EFHD1: variants seen among roughly 807,000 people sequenced by gnomAD.
EFHD1 encodes EF-hand domain family member D1.
In EFHD1, 10 loss-of-function variants were observed where a neutral mutation model predicts 17.2. The observed-to-expected ratio is 0.58, with a 90% CI of 0.36 to 0.99. The LOEUF (loss-of-function observed/expected upper bound fraction) is 0.99. EFHD1 is among the 50% of genes least tolerant of loss of function. The pLI is 0.01. For synonymous variants in EFHD1, 153 were observed against 142.0 expected (o/e 1.08, Z -0.55); for missense variants, 310 against 327.5 (o/e 0.95, Z 0.41).
chr2:232,615,330 T>TGA (rs1553594536), intron 1 of EFHD1, among the ~76,000 whole-genome samples: 10 of 141,182 alleles, frequency 7.1e-5, no homozygotes, highest in Admixed American at 3.6e-4. Context: ...TGTGTGTGTG[T>TGA]GTGTGTGTGT....
At chr2:232,652,638 G>C (rs900635638) in intron 1 of EFHD1, among the ~76,000 whole-genome samples, 1 of 152,164 alleles carries the variant, frequency 6.6e-6, no homozygotes, top group Non-Finnish European at 1.5e-5. Flanking sequence ...TCACAGGACT[G>C]TTGTGAAGAT....
intron 1 of EFHD1, chr2:232,638,065 A>G (rs749935591): frequency 4.4e-4 from 94 of 214,690 alleles, no homozygotes; most frequent in Admixed American, 4.5e-4. Context: ...TCCATTTCCA[A>G]GCCTGTTACT....
At chr2:232,678,206 A>G (rs1336091168) in intron 3 of EFHD1, among the ~76,000 whole-genome samples, 1 of 151,442 alleles carries the variant, frequency 6.6e-6, no homozygotes, top group Non-Finnish European at 1.5e-5. Flanking sequence ...GAACCTGGGA[A>G]GTGGAGCTGA....
At chr2:232,644,202 C>A (rs1694483790) in intron 1 of EFHD1, among the ~76,000 whole-genome samples, 1 of 149,862 alleles carries the variant, frequency 6.7e-6, no homozygotes, top group Non-Finnish European at 1.5e-5. Flanking sequence ...TTCTGCCTCA[C>A]CCTCCTGACT....
intron 2 of EFHD1, among the ~76,000 whole-genome samples, chr2:232,670,755 T>C (rs1243244228): frequency 6.6e-6 from 1 of 151,958 alleles, no homozygotes; most frequent in Non-Finnish European, 1.5e-5. Context: ...AGCATAACAC[T>C]ATATGTAAAA....
At chr2:232,672,611 C>G (rs974099245) in intron 3 of EFHD1, among the ~76,000 whole-genome samples, 168 bp downstream of exon 3, 6 of 152,116 alleles carry the variant, frequency 3.9e-5, no homozygotes, top group African/African-American at 1.4e-4. Flanking sequence ...CACCTGAGTT[C>G]AGACTCTGCC....
chr2:232,636,169 T>C (rs1415183184), intron 1 of EFHD1, among the ~76,000 whole-genome samples: 3 of 152,162 alleles, frequency 2.0e-5, no homozygotes, highest in Admixed American at 6.6e-5. Flanking sequence ...TTAAAAACAC[T>C]AAAGAAAATG....
At chr2:232,673,092 A>G (rs1424943226) in intron 3 of EFHD1, among the ~76,000 whole-genome samples, 1 of 152,202 alleles carries the variant, frequency 6.6e-6, no homozygotes, top group East Asian at 1.9e-4. Flanking sequence ...ATCTCCAGCA[A>G]AGCTGGGCAC....
chr2:232,662,067 A>C (rs916392300), intron 1 of EFHD1: 3 of 152,236 alleles, frequency 2.0e-5, no homozygotes, highest in African/African-American at 7.3e-5. Context: ...GGCTTGGAGG[A>C]AGCAGAGCAC....
chr2:232,661,746 AAC>A (rs914286335), intron 1 of EFHD1: 3 of 121,288 alleles, frequency 2.5e-5, no homozygotes, highest in Non-Finnish European at 4.1e-5. Flanking sequence ...TTTTAGTAGA[AAC>A]AGGGTTTCAC....
At chr2:232,653,471 C>T (rs1162822254) in intron 1 of EFHD1, among the ~76,000 whole-genome samples, 3 of 151,754 alleles carry the variant, frequency 2.0e-5, no homozygotes, top group African/African-American at 7.3e-5. Flanking sequence ...TTGTATTTTT[C>T]GTAGAGATGG....
intron 2 of EFHD1, among the ~76,000 whole-genome samples, chr2:232,664,855 C>T (rs1355427130): frequency 4.0e-5 from 6 of 150,032 alleles, no homozygotes; most frequent in East Asian, 2.0e-4. Context: ...CCTCGTGATC[C>T]GCCTGCCTCG....
At chr2:232,606,369 C>T (rs909069342) in intron 1 of EFHD1, among the ~76,000 whole-genome samples, 1 of 152,318 alleles carries the variant, frequency 6.6e-6, no homozygotes, top group Non-Finnish European at 1.5e-5. Flanking sequence ...TCCGCGCCGG[C>T]TGGTCTCCCA....
chr2:232,644,539 G>A (rs1694491489), intron 1 of EFHD1, among the ~76,000 whole-genome samples: 1 of 151,438 alleles, frequency 6.6e-6, no homozygotes, highest in Non-Finnish European at 1.5e-5. Flanking sequence ...TTGAGACAGA[G>A]TCTCACTCTG....
intron 1 of EFHD1, 142 bp downstream of exon 1, chr2:232,634,148 C>A (rs2106193471): frequency 7.0e-7 from 1 of 1,433,692 alleles, no homozygotes; most frequent in Non-Finnish European, 9.1e-7. Context: ...CCAGATCTTG[C>A]GTGCTCGGGT....
intron 1 of EFHD1, among the ~76,000 whole-genome samples, chr2:232,636,502 T>C (rs2106194892): frequency 6.6e-6 from 1 of 152,344 alleles, no homozygotes; most frequent in East Asian, 1.9e-4. Flanking sequence ...CCCTAATTTT[T>C]AGATTATCAC....
At chr2:232,615,182 G>A (rs922107006) in intron 1 of EFHD1, among the ~76,000 whole-genome samples, 37 of 152,028 alleles carry the variant, frequency 2.4e-4, no homozygotes, top group Non-Finnish European at 1.5e-5. Context: ...GACTGTTTGC[G>A]CTATAGGCAA....
intron 1 of EFHD1, among the ~76,000 whole-genome samples, chr2:232,648,559 C>G (rs1157672942): frequency 1.3e-5 from 2 of 152,110 alleles, no homozygotes; most frequent in East Asian, 3.9e-4. Context: ...CTCCGAGGCT[C>G]ATCTAGATAG....
At chr2:232,613,399 G>A (rs1693843649) in intron 1 of EFHD1, among the ~76,000 whole-genome samples, 1 of 152,018 alleles carries the variant, frequency 6.6e-6, no homozygotes, top group African/African-American at 2.4e-5. Flanking sequence ...ACTCCAGCCT[G>A]GGCAACAGAG....
Sources: gnomAD v4.1 joint callset for allele counts (sites outside exome capture counted in the v4.1 genomes callset) on GRCh38, gnomAD v4.1.1 for gene constraint, MANE v1.5 for transcripts, NCBI Gene and HGNC (gene_info 2026-07-23, HGNC 2026-07-21) for gene names.